PHTF2: variants seen among roughly 807,000 people sequenced by gnomAD.
The protein encoded by PHTF2 is putative homeodomain transcription factor 2.
A neutral mutation model predicts 101.2 loss-of-function variants in PHTF2; 60 were observed. The ratio of observed to expected loss-of-function variants is 0.59; its 90% CI spans 0.48 to 0.73. The LOEUF is 0.73. PHTF2 is among the 30% of genes least tolerant of loss of function. The pLI is 0.00. For missense variants in PHTF2, 747 were observed against 908.7 expected (o/e 0.82, Z 2.29); for synonymous variants, 311 against 307.3 (o/e 1.01, Z -0.13).
At chr7:77,894,909 G>A (rs1415699184) in intron 5 of PHTF2, among the ~76,000 whole-genome samples, 1 of 152,140 alleles carries the variant, frequency 6.6e-6, no homozygotes, top group Admixed American at 6.5e-5. Flanking sequence ...AGAGGAAGGA[G>A]ACTAGTGTCA....
intron 1 of PHTF2, among the ~76,000 whole-genome samples, chr7:77,839,828 T>G (rs1038570431): frequency 2.6e-5 from 4 of 152,206 alleles, no homozygotes; most frequent in Non-Finnish European, 5.9e-5. Context: ...AAGCCATCCT[T>G]TAGCAATGGT....
chr7:77,937,655 C>T, intron 12 of PHTF2, 55 bp from the exon 12 acceptor site: 1 of 633,608 alleles, frequency 1.6e-6, no homozygotes, highest in Non-Finnish European at 2.4e-6. Flanking sequence ...TATATACACA[C>T]ATTTTATTTA....
chr7:77,908,464 T>C (rs1454034177), intron 7 of PHTF2, among the ~76,000 whole-genome samples: 1 of 152,198 alleles, frequency 6.6e-6, no homozygotes, highest in African/African-American at 2.4e-5. Context: ...ATAATGTACT[T>C]GAGGTTAGGG....
chr7:77,908,918 A>C, exon 8 of PHTF2: 1 of 1,613,294 alleles, frequency 6.2e-7, no homozygotes, highest in Non-Finnish European at 8.5e-7. Context: ...TTCCACAAGA[A>C]CACCCAAACC....
chr7:77,858,784 A>G (rs568066459), intron 3 of PHTF2, among the ~76,000 whole-genome samples: 4 of 152,186 alleles, frequency 2.6e-5, no homozygotes, highest in Non-Finnish European at 5.9e-5. Context: ...GCTTCTGTAT[A>G]TAGTCTCATG....
At chr7:77,886,267 C>G (rs1799839252) in intron 3 of PHTF2, among the ~76,000 whole-genome samples, 1 of 152,132 alleles carries the variant, frequency 6.6e-6, no homozygotes, top group Non-Finnish European at 1.5e-5. Flanking sequence ...TTCAAAGATA[C>G]TTCTTTTCTA....
chr7:77,910,440 T>C, intron 9 of PHTF2, 31 bp downstream of exon 8: 1 of 1,523,700 alleles, frequency 6.6e-7, no homozygotes, highest in Non-Finnish European at 9.0e-7. Flanking sequence ...TTATATGGCA[T>C]AGAGATGGCA....
intron 1 of PHTF2, among the ~76,000 whole-genome samples, chr7:77,828,014 TGTTAACTCTTTAAGCCGTTTA>T (rs1378208628): frequency 3.9e-5 from 6 of 152,234 alleles, no homozygotes; most frequent in Non-Finnish European, 7.3e-5. Context: ...TTTTAAGGTC[TGTTAACTCTTTAAGCCGTTTA>T]GTTAACTCTT....
At chr7:77,817,668 G>A (rs1793953612) in intron 1 of PHTF2, among the ~76,000 whole-genome samples, 1 of 152,180 alleles carries the variant, frequency 6.6e-6, no homozygotes, top group Admixed American at 6.5e-5. Context: ...TGAGATTTGG[G>A]TGGGAACACA....
chr7:77,915,999 G>GTGTA (rs1802885337), intron 9 of PHTF2, among the ~76,000 whole-genome samples: 1 of 151,908 alleles, frequency 6.6e-6, no homozygotes, highest in Non-Finnish European at 1.5e-5. Flanking sequence ...GTGTGTGTGT[G>GTGTA]TGTGTGTGTG....
At chr7:77,817,319 G>A (rs900485239) in intron 1 of PHTF2, among the ~76,000 whole-genome samples, 2 of 152,090 alleles carry the variant, frequency 1.3e-5, no homozygotes, top group African/African-American at 4.8e-5. Flanking sequence ...GATGATTAGT[G>A]TATTAGTTCG....
At chr7:77,874,091 A>G (rs1391038711) in intron 3 of PHTF2, among the ~76,000 whole-genome samples, 1 of 152,204 alleles carries the variant, frequency 6.6e-6, no homozygotes, top group Non-Finnish European at 1.5e-5. Flanking sequence ...GGTTCTCCAC[A>G]TATGGTCAAA....
At chr7:77,926,838 ATGG>A in intron 11 of PHTF2, among the ~76,000 whole-genome samples, 1 of 151,094 alleles carries the variant, frequency 6.6e-6, no homozygotes, top group East Asian at 2.0e-4. Flanking sequence ...TTAGCCAGGC[ATGG>A]TGGTACACGC....
At chr7:77,917,165 C>A (rs1803004431) in intron 9 of PHTF2, among the ~76,000 whole-genome samples, 1 of 151,952 alleles carries the variant, frequency 6.6e-6, no homozygotes, top group Non-Finnish European at 1.5e-5. Flanking sequence ...TTTTGATGAT[C>A]AGATCAACCT....
intron 3 of PHTF2, among the ~76,000 whole-genome samples, chr7:77,858,321 T>C (rs766096678): frequency 3.3e-5 from 5 of 152,212 alleles, no homozygotes; most frequent in African/African-American, 7.2e-5. Flanking sequence ...GTTTTAGTTT[T>C]ATTTGTTTAC....
At chr7:77,900,066 A>G (rs919823513) in intron 5 of PHTF2, among the ~76,000 whole-genome samples, 1 of 152,042 alleles carries the variant, frequency 6.6e-6, no homozygotes, top group Non-Finnish European at 1.5e-5. Context: ...CAATAATTTC[A>G]AGTTTAAATG....
chr7:77,870,772 A>G (rs1364377519), intron 3 of PHTF2, among the ~76,000 whole-genome samples: 1 of 152,182 alleles, frequency 6.6e-6, no homozygotes. Context: ...ATCTTCAAAT[A>G]AAGACAATAA....
chr7:77,954,612 G>GTATA (rs66540211), intron 19 of PHTF2, among the ~76,000 whole-genome samples: 2,548 of 90,036 alleles, frequency 0.028, 45 homozygotes, highest in South Asian at 0.044. Flanking sequence ...CAAGTACTGT[G>GTATA]TATATATATA....
chr7:77,812,236 A>G (rs1793498351), intron 1 of PHTF2, among the ~76,000 whole-genome samples: 2 of 152,238 alleles, frequency 1.3e-5, no homozygotes, highest in Admixed American at 1.3e-4. Flanking sequence ...TTGAGGCAGA[A>G]GAAATGACAC....
Sources: allele counts gnomAD v4.1 joint callset (sites outside exome capture counted in the v4.1 genomes callset), GRCh38; gene constraint gnomAD v4.1.1; transcripts MANE v1.5; gene names NCBI Gene and HGNC (gene_info 2026-07-23, HGNC 2026-07-21).